The following ATXN7L1 variants were observed in gnomAD, a reference collection of about 807,000 sequenced individuals.
ATXN7L1 encodes ataxin-7-like protein 1.
In ATXN7L1, 15 loss-of-function variants were observed where a neutral mutation model predicts 70.8. The ratio of observed to expected loss-of-function variants is 0.21; its 90% CI spans 0.14 to 0.33. The LOEUF (loss-of-function observed/expected upper bound fraction) is 0.33. Among genes scored for constraint, ATXN7L1 ranks in the 10% least tolerant of loss-of-function variants. ATXN7L1 has a pLI of 1.00. For missense variants in ATXN7L1, 975 were observed against 1,097.1 expected (o/e 0.89, Z 1.57); for synonymous variants, 440 against 445.1 (o/e 0.99, Z 0.14).
At chr7:105,701,555 A>T (rs1359481434) in intron 3 of ATXN7L1, among the ~76,000 whole-genome samples, 1 of 152,186 alleles carries the variant, frequency 6.6e-6, no homozygotes, top group Non-Finnish European at 1.5e-5. Flanking sequence ...TTTGAAAAAA[A>T]TAAAACTATA....
intron 2 of ATXN7L1, among the ~76,000 whole-genome samples, chr7:105,835,148 G>GT (rs779946678): frequency 0.044 from 3,672 of 84,356 alleles, 116 homozygotes; most frequent in Admixed American, 0.099. Flanking sequence ...ATAAGTGTGT[G>GT]GTTTTTTTTT....
At position 105,614,045 on chromosome 7, in the gene ATXN7L1, A is replaced by G. The variant is rs1584291914; in HGVS notation, c.2289T>C (p.Asn763=). ...HAGDLSLASH[N]AVSSLPLSFD... is the part of the protein sequence containing the mutation. ...AAGAGAGGGGCAGAGAAGACACAGC[A>G]TTGTGTGAGGCCAGAGAGAGGTCCC... is the stretch of plus-strand genomic sequence containing the variant. Residue 763 remains asparagine, a synonymous_variant, in exon 10 of 12, where the codon AAT becomes AAC. Transcript: ENST00000419735. This position sits in a 1 kb window ranked among gnomAD's most constrained non-coding sequence, Gnocchi z 4.3. 1 of 1,551,918 alleles carries G rather than the reference A, an allele frequency of 6.4e-7. No individual in the cohort carries two copies. Among genetic ancestry groups the G allele is most frequent in the South Asian group, 1.2e-5 (1 of 84,068 alleles).
chr7:105,676,740 C>T (rs1172568924), intron 3 of ATXN7L1, among the ~76,000 whole-genome samples: 28 of 151,816 alleles, frequency 1.8e-4, no homozygotes, highest in Non-Finnish European at 1.5e-4. Flanking sequence ...CTCGGGAGGC[C>T]GAGGCAGGAG....
intron 4 of ATXN7L1, among the ~76,000 whole-genome samples, chr7:105,647,373 T>A (rs1799199533): frequency 6.6e-6 from 1 of 152,204 alleles, no homozygotes; most frequent in South Asian, 2.1e-4. Flanking sequence ...ACCGGCTGGG[T>A]ACGGTGACTC....
At chr7:105,734,898 C>T (rs1797214247) in intron 3 of ATXN7L1, among the ~76,000 whole-genome samples, 1 of 152,124 alleles carries the variant, frequency 6.6e-6, no homozygotes, top group South Asian at 2.1e-4. Flanking sequence ...TTAGAACATT[C>T]TTCCTGGAGC....
intron 2 of ATXN7L1, among the ~76,000 whole-genome samples, chr7:105,833,544 T>C (rs368928572): frequency 5.9e-5 from 9 of 152,166 alleles, no homozygotes; most frequent in East Asian, 3.9e-4. Flanking sequence ...TACAAATAAA[T>C]ATGTGTGCTT....
chr7:105,705,726 GTTC>G (rs775741955), intron 3 of ATXN7L1, among the ~76,000 whole-genome samples: 2 of 152,182 alleles, frequency 1.3e-5, no homozygotes, highest in Non-Finnish European at 2.9e-5. Flanking sequence ...CCACTCGTTT[GTTC>G]TTCACCTTGG....
rs370310747 is a variant in ATXN7L1, at chr7:105,781,292, CA to C, written c.355+7311del. ...TTTCATTTAGGCAAATCAGACAACT[CA>C]CCATAAACGTTCACCCCAATTACAA... On this transcript the variant is annotated intron_variant, in intron 3 of 11. Transcript: ENST00000419735. Among the ~76,000 whole-genome samples the C allele has an allele frequency of 2.6e-4, 39 of 152,330 alleles. 2 individuals carry two copies. In the East Asian group the frequency reaches 4.4e-3, roughly 17 times the overall value.
chr7:105,865,060 C>A (rs1380369523), intron 2 of ATXN7L1, among the ~76,000 whole-genome samples: 1 of 152,168 alleles, frequency 6.6e-6, no homozygotes, highest in Non-Finnish European at 1.5e-5. Flanking sequence ...CCCCGGGCAT[C>A]CCCCGGAGCA....
chr7:105,872,072 A>G (rs1384056118), intron 2 of ATXN7L1, among the ~76,000 whole-genome samples: 1 of 151,468 alleles, frequency 6.6e-6, no homozygotes, highest in Admixed American at 6.6e-5. Flanking sequence ...GGCTCACTGC[A>G]AGCTCCGCCT....
At chr7:105,771,201 GATAATAATAATAATA>G (rs67884616) in intron 3 of ATXN7L1, among the ~76,000 whole-genome samples, 7 of 139,250 alleles carry the variant, frequency 5.0e-5, no homozygotes, top group Non-Finnish European at 7.7e-5. Flanking sequence ...CTCCGTCTCT[GATAATAATAATAATA>G]ATAATAATAA....
At chr7:105,773,403 C>T (rs924059712) in intron 3 of ATXN7L1, among the ~76,000 whole-genome samples, 12 of 152,132 alleles carry the variant, frequency 7.9e-5, no homozygotes, top group Non-Finnish European at 1.0e-4. Context: ...TCTTTCTGCT[C>T]GCCAGTGCTG....
At chr7:105,817,582 C>A (rs1404762033) in intron 2 of ATXN7L1, among the ~76,000 whole-genome samples, 1 of 152,040 alleles carries the variant, frequency 6.6e-6, no homozygotes, top group Non-Finnish European at 1.5e-5. Flanking sequence ...CCATTCCCTA[C>A]CCCCAAGAAA....
Position 105,654,311 on chromosome 7 carries a change from G to A in ATXN7L1, c.578+10755C>T, listed in dbSNP as rs114624833. 7.4e-3 allele frequency among the ~76,000 whole-genome samples: 1,127 copies of A among 152,370 alleles called. 12 individuals carry two copies. The highest frequency in any genetic ancestry group is 0.026 in the African/African-American group (1,062 of 41,586). On this transcript the variant is annotated intron_variant, in intron 4 of 11. Transcript: ENST00000419735. ...CAAAGGTGAAGTGTCCGCTCATAGC[G>A]GCACATGCTGCACACCTACCATGCA...
chr7:105,678,234 G>C (rs1299165940), intron 3 of ATXN7L1, among the ~76,000 whole-genome samples: 1 of 151,936 alleles, frequency 6.6e-6, no homozygotes. Context: ...ACCCAGGACA[G>C]AAAGGGGCCT....
chr7:105,658,922 T>C (rs565133283), intron 4 of ATXN7L1, among the ~76,000 whole-genome samples: 3 of 152,122 alleles, frequency 2.0e-5, no homozygotes, highest in Admixed American at 1.3e-4. Context: ...GGCAGACGGA[T>C]CATGAGGAGT....
intron 3 of ATXN7L1, among the ~76,000 whole-genome samples, chr7:105,711,306 C>T (rs1384446576): frequency 1.3e-5 from 2 of 152,226 alleles, no homozygotes; most frequent in Non-Finnish European, 2.9e-5. Flanking sequence ...CCTTCTCACA[C>T]TGCAAAATAC....
chr7:105,730,989 A>C (rs1360548697), intron 3 of ATXN7L1, among the ~76,000 whole-genome samples: 1 of 152,214 alleles, frequency 6.6e-6, no homozygotes, highest in Non-Finnish European at 1.5e-5. Context: ...CAGGTCGAGA[A>C]TCCCTAATCA....
intron 2 of ATXN7L1, among the ~76,000 whole-genome samples, chr7:105,845,178 C>CTG (rs906723400): frequency 2.6e-5 from 3 of 117,642 alleles, no homozygotes; most frequent in African/African-American, 1.0e-4. Context: ...GCATTCCAGC[C>CTG]TGTGTGACAG....
Sources: gnomAD v4.1 joint callset for allele counts (sites outside exome capture counted in the v4.1 genomes callset) on GRCh38, gnomAD v4.1.1 for gene constraint, Gnocchi (gnomAD v3.1) non-coding constraint, MANE v1.5 for transcripts, NCBI Gene and HGNC (gene_info 2026-07-23, HGNC 2026-07-21) for gene names.